Variants in CTSB observed in about 807,000 individuals in gnomAD.
The protein encoded by CTSB is cathepsin B.
CTSB carries 57 observed loss-of-function variants against 44.3 expected under a neutral mutation model. The ratio of observed to expected loss-of-function variants is 1.29; its 90% CI spans 1.04 to 1.60. The LOEUF (loss-of-function observed/expected upper bound fraction) is 1.60, where lower values mean the gene tolerates loss of function less well. CTSB is among the 40% of genes most tolerant of loss of function. The pLI, the probability that CTSB is intolerant of heterozygous loss-of-function variation, is 0.00. For synonymous variants in CTSB, 320 were observed against 168.0 expected, an observed-to-expected ratio of 1.91 and a Z score of -7.00; for missense variants, 768 against 443.0, an observed-to-expected ratio of 1.73 and a Z score of -6.59.
At chr8:11,858,283 G>T (rs1273488796) in intron 1 of CTSB, among the ~76,000 whole-genome samples, 7 of 152,166 alleles carry the variant, frequency 4.6e-5, no homozygotes, top group African/African-American at 1.7e-4. Flanking sequence ...GAGTCTAAAT[G>T]AAAACAAGTT....
chr8:11,860,557 G>C (rs1586184825), intron 1 of CTSB, among the ~76,000 whole-genome samples: 1 of 152,330 alleles, frequency 6.6e-6, no homozygotes, highest in South Asian at 2.1e-4. Context: ...CCAGGAGGTG[G>C]AGGCTGCAGT....
intron 9 of CTSB, among the ~76,000 whole-genome samples, 178 bp from the exon 10 acceptor site, chr8:11,845,400 C>T (rs932877301): frequency 2.0e-5 from 3 of 152,332 alleles, no homozygotes; most frequent in African/African-American, 7.2e-5. Flanking sequence ...ACGGGCAAGC[C>T]CCCTGCCCGG....
rs541866155 is a variant in CTSB at position 11,856,373 on chromosome 8, T to C, written c.-25-2894A>G. Among the ~76,000 whole-genome samples the C allele has an allele frequency of 2.6e-5, 4 of 152,262 alleles. No individual in the cohort carries two copies. In the South Asian group the frequency reaches 8.3e-4, roughly 32 times the overall value. On this transcript the variant is annotated intron_variant, in intron 1 of 9. Transcript: ENST00000353047. ...TTGGTGGGGCACGGTGGCGCATGCC[T>C]GTAGCCGAGGCGGTTGGATCACCTG...
rs188725732 is a variant in CTSB, at chr8:11,863,532, C to G, written c.-26+4469G>C. On this transcript the variant is annotated intron_variant, in intron 1 of 9. Coordinates refer to ENST00000353047, the MANE Select transcript of CTSB (RefSeq NM_001908.5). ...AAAAACAGGAAAAGTGTCACTCAACCCATTTATGCCAGAGGTTGCAATTTT... is the reference window on the plus strand; with the variant it reads ...AAAAACAGGAAAAGTGTCACTCAACGCATTTATGCCAGAGGTTGCAATTTT... Among the ~76,000 whole-genome samples, 183 of 152,226 alleles carry G rather than the reference C, an allele frequency of 1.2e-3. 1 individual carries two copies. The highest frequency in any genetic ancestry group is 4.3e-3 in the African/African-American group (179 of 41,542).
chr8:11,849,566 A>AT (rs1814160583), intron 4 of CTSB: 3 of 141,774 alleles, frequency 2.1e-5, no homozygotes, highest in Non-Finnish European at 4.6e-5. Flanking sequence ...ATTAGTTTGT[A>AT]TGTGTGTGTG....
At chr8:11,861,295 C>G (rs1317908805) in intron 1 of CTSB, 3 of 152,332 alleles carry the variant, frequency 2.0e-5, no homozygotes, top group Admixed American at 2.0e-4. Context: ...AGCAGTGATG[C>G]TCACCAGCCT....
At chr8:11,860,397 G>A (rs1292996073) in intron 1 of CTSB, among the ~76,000 whole-genome samples, 3 of 152,104 alleles carry the variant, frequency 2.0e-5, no homozygotes, top group Non-Finnish European at 2.9e-5. Flanking sequence ...CCAAGGAGGT[G>A]GATCACCTGA....
chr8:11,855,587 A>T (rs977970169), intron 1 of CTSB, among the ~76,000 whole-genome samples: 15 of 152,264 alleles, frequency 9.9e-5, no homozygotes, highest in African/African-American at 3.6e-4. Context: ...CATTACACTG[A>T]AAAGTCTCTT....
intron 1 of CTSB, chr8:11,854,806 C>T (rs138144765): frequency 6.6e-6 from 1 of 152,378 alleles, no homozygotes; most frequent in African/African-American, 2.4e-5. Context: ...TGACGGGAGC[C>T]CAGCCCTCTG....
rs190697171 is a variant in CTSB, at chr8:11,865,649, G to A, written c.-26+2352C>T. On this transcript the variant is annotated intron_variant, in intron 1 of 9. Coordinates refer to ENST00000353047, the MANE Select transcript of CTSB (RefSeq NM_001908.5). Reference sequence around the variant, plus strand: ...ATACCTGTAACTCCTCCCTCTCAATGTTTCAGTCCATATCTCGAAAGGACG... The same window carrying A: ...ATACCTGTAACTCCTCCCTCTCAATATTTCAGTCCATATCTCGAAAGGACG... The A allele has an allele frequency of 1.6e-3, 244 of 151,502 alleles. 1 individual carries two copies. Among genetic ancestry groups the A allele is most frequent in the African/African-American group, 5.7e-3 (237 of 41,284 alleles). The allele number at this position is 151,502 out of a possible 1,614,324, so 9.4% of individuals were successfully genotyped here.
chr8:11,847,004 T>TCCCCCCCCCC, intron 8 of CTSB, 48 bp downstream of exon 8: 1 of 904,648 alleles, frequency 1.1e-6, no homozygotes, highest in Non-Finnish European at 1.9e-6. Context: ...GCACCCAGGC[T>TCCCCCCCCCC]CCCCTCCCGA....
chr8:11,853,237 G>C (rs935670814), intron 2 of CTSB, 92 bp downstream of exon 2: 3 of 1,526,800 alleles, frequency 2.0e-6, no homozygotes, highest in Admixed American at 1.7e-5. Context: ...TGTTCTGTGG[G>C]CCACAGTGAG....
intron 8 of CTSB, among the ~76,000 whole-genome samples, chr8:11,846,742 A>C (rs1362448562): frequency 6.6e-6 from 1 of 152,228 alleles, no homozygotes; most frequent in Non-Finnish European, 1.5e-5. Context: ...GTGGCCAGCC[A>C]CCAGGGAGGG....
rs377197183 is a variant in CTSB at position 11,843,286 on chromosome 8, C to G, written c.*1839G>C. 6.6e-6 allele frequency: 1 copy of G among 152,178 alleles called. No individual in the cohort carries two copies. Among genetic ancestry groups the G allele is most frequent in the South Asian group, 2.1e-4 (1 of 4,834 alleles). The allele number at this position is 152,178 out of a possible 1,614,324, so 9.4% of individuals were successfully genotyped here. A position where few individuals can be genotyped will look rare whatever the true frequency, so the allele number is the denominator to read the frequency against. On this transcript the variant is annotated 3_prime_UTR_variant, in exon 10 of 10. Transcript: ENST00000353047. ...GGCACTTAAGAGATGCTTAACAAAC[C>G]TTTCCTACAATGTTCCTCAGATTTT...
intron 1 of CTSB, chr8:11,865,567 G>C (rs554860819): frequency 3.1e-4 from 47 of 150,750 alleles, no homozygotes; most frequent in African/African-American, 1.1e-3. Flanking sequence ...CAGCCTGGGT[G>C]AGAGAGTCAG....
At chr8:11,852,573 A>G (rs1814783237) in intron 3 of CTSB, 37 bp downstream of exon 3, 1 of 1,554,920 alleles carries the variant, frequency 6.4e-7, no homozygotes, top group East Asian at 2.3e-5. Flanking sequence ...AACGCCTGCC[A>G]CTCACATTAC....
intron 9 of CTSB, 83 bp from the exon 10 acceptor site, chr8:11,845,305 C>G (rs958070536): frequency 9.3e-7 from 1 of 1,071,104 alleles, no homozygotes; most frequent in African/African-American, 1.6e-5. Flanking sequence ...GACCTTAAGT[C>G]ACTCATCCCT....
At chr8:11,855,435 T>C (rs1261106217) in intron 1 of CTSB, among the ~76,000 whole-genome samples, 3 of 152,170 alleles carry the variant, frequency 2.0e-5, no homozygotes, top group Non-Finnish European at 2.9e-5. Context: ...GGCAAGTGGA[T>C]CACTTGAGGC....
At chr8:11,847,873 G>C (rs774022096) in intron 6 of CTSB, 51 bp from the exon 7 acceptor site, 1 of 1,545,212 alleles carries the variant, frequency 6.5e-7, no homozygotes, top group South Asian at 1.2e-5. Context: ...CCACGGAGAA[G>C]ACCTGGGGCA....
Sources: allele counts gnomAD v4.1 joint callset (sites outside exome capture counted in the v4.1 genomes callset), GRCh38; gene constraint gnomAD v4.1.1; transcripts MANE v1.5; gene names NCBI Gene and HGNC (gene_info 2026-07-23, HGNC 2026-07-21).